The following CORIN variants were observed in gnomAD, a reference collection of about 807,000 sequenced individuals.
CORIN encodes the protein corin, serine peptidase.
Under a neutral mutation model 125.3 loss-of-function variants are expected in CORIN, and 117 were observed. The observed-to-expected ratio is 0.93, with a 90% confidence interval of 0.80 to 1.09. The LOEUF is 1.09. Among genes scored for constraint, CORIN ranks in the 50% least tolerant of loss-of-function variants. CORIN has a pLI of 0.00. For synonymous variants in CORIN, 450 were observed against 466.4 expected, an observed-to-expected ratio of 0.96 and a Z score of 0.45; for missense variants, 1,253 against 1,306.7, an observed-to-expected ratio of 0.96 and a Z score of 0.63.
chr4:47,691,473 C>G (rs1038005019), intron 6 of CORIN, among the ~76,000 whole-genome samples: 1 of 152,178 alleles, frequency 6.6e-6, no homozygotes, highest in East Asian at 1.9e-4. Context: ...AGTCGTAAAA[C>G]ACAAATTTCT....
At chr4:47,825,275 T>C (rs755101615) in intron 1 of CORIN, among the ~76,000 whole-genome samples, 3 of 152,222 alleles carry the variant, frequency 2.0e-5, no homozygotes, top group Non-Finnish European at 4.4e-5. Flanking sequence ...CTGGCAATTA[T>C]GTGGCCCCCT....
chr4:47,697,497 T>C (rs1416075354), intron 5 of CORIN, among the ~76,000 whole-genome samples: 1 of 152,144 alleles, frequency 6.6e-6, no homozygotes, highest in East Asian at 1.9e-4. Flanking sequence ...GCAGATCGCC[T>C]GAGGTCAGGG....
chr4:47,619,979 C>T (rs1436819470), intron 19 of CORIN, among the ~76,000 whole-genome samples: 1 of 152,162 alleles, frequency 6.6e-6, no homozygotes, highest in East Asian at 1.9e-4. Context: ...AATTCTGGAT[C>T]TTACACATTG....
intron 19 of CORIN, among the ~76,000 whole-genome samples, chr4:47,615,096 A>T (rs992295165): frequency 6.6e-6 from 1 of 152,226 alleles, no homozygotes; most frequent in African/African-American, 2.4e-5. Context: ...CTGCAGAAAC[A>T]GCAAATACAA....
In CORIN at chr4:47,816,614, C is replaced by A. The variant is rs548365321; in HGVS notation, c.64-9567G>T. ...TACAACAACAAATCAACCATAGGTG[C>A]AGTGTGAACTTTTGCACTGAAACAA... On this transcript the variant is annotated intron_variant, in intron 1 of 21. Coordinates refer to ENST00000273857, the MANE Select transcript of CORIN (RefSeq NM_006587.4). 2.0e-5 allele frequency among the ~76,000 whole-genome samples: 3 copies of A among 152,248 alleles called. No homozygotes were observed. The South Asian group carries it at 6.2e-4, about 32-fold the overall frequency.
At chr4:47,831,456 A>G (rs1732992404) in intron 1 of CORIN, 1 of 152,278 alleles carries the variant, frequency 6.6e-6, no homozygotes, top group South Asian at 2.1e-4. Flanking sequence ...CTGAAGACAG[A>G]ACTGGGGACA....
intron 3 of CORIN, among the ~76,000 whole-genome samples, chr4:47,774,859 G>C (rs1011146307): frequency 6.6e-6 from 1 of 152,118 alleles, no homozygotes; most frequent in African/African-American, 2.4e-5. Context: ...AGTCACAAAA[G>C]GGCAAATACT....
At chr4:47,642,728 G>T (rs996056995) in intron 15 of CORIN, 2 of 790,360 alleles carry the variant, frequency 2.5e-6, no homozygotes, top group African/African-American at 1.8e-5. Flanking sequence ...TGTGTAAGGA[G>T]CTAGACAGTT....
intron 6 of CORIN, among the ~76,000 whole-genome samples, chr4:47,685,115 T>C (rs1725453325): frequency 6.6e-6 from 1 of 152,206 alleles, no homozygotes; most frequent in South Asian, 2.1e-4. Flanking sequence ...CAGTTTCTTA[T>C]GAAGGTAACT....
chr4:47,768,549 T>C (rs1318025231), intron 3 of CORIN, among the ~76,000 whole-genome samples: 1 of 152,166 alleles, frequency 6.6e-6, no homozygotes, highest in Non-Finnish European at 1.5e-5. Flanking sequence ...TTAATAACTT[T>C]GATGAATATA....
chr4:47,789,299 T>C (rs1282449212), intron 2 of CORIN, among the ~76,000 whole-genome samples: 1 of 152,056 alleles, frequency 6.6e-6, no homozygotes, highest in East Asian at 1.9e-4. Flanking sequence ...AGTGAAATTC[T>C]GTCTCAAAAA....
intron 5 of CORIN, among the ~76,000 whole-genome samples, chr4:47,742,294 C>T (rs1364799370): frequency 6.6e-6 from 1 of 151,764 alleles, no homozygotes; most frequent in Non-Finnish European, 1.5e-5. Flanking sequence ...AACCTTCTTC[C>T]TGACATAGAA....
chr4:47,625,054 C>G (rs187366642), intron 17 of CORIN, among the ~76,000 whole-genome samples: 22 of 152,228 alleles, frequency 1.4e-4, no homozygotes, highest in Admixed American at 2.6e-4. Context: ...CTAAAATCCT[C>G]TCTTCCTTAC....
Position 47,621,609 on chromosome 4 carries a change from G to A in CORIN, c.2540+1962C>T, listed in dbSNP as rs191144894. On this transcript the variant is annotated intron_variant, in intron 19 of 21. Coordinates refer to ENST00000273857, the MANE Select transcript of CORIN (RefSeq NM_006587.4). ...TGGAAGAGATTCTGCAGTGATGTTC[G>A]TCAGTTTGGGGTAGGTTTTCCCTTA... is the stretch of plus-strand genomic sequence containing the variant. Among the ~76,000 whole-genome samples, 27 of 152,306 alleles carry A rather than the reference G, an allele frequency of 1.8e-4. No homozygotes were observed. The East Asian group carries it at 2.3e-3, about 13-fold the overall frequency.
chr4:47,700,552 G>A (rs1424335214), intron 5 of CORIN, among the ~76,000 whole-genome samples: 3 of 152,162 alleles, frequency 2.0e-5, no homozygotes, highest in Non-Finnish European at 4.4e-5. Flanking sequence ...ATGGAACCTG[G>A]AAGAACGAAG....
intron 1 of CORIN, among the ~76,000 whole-genome samples, chr4:47,834,872 A>C (rs1415348540): frequency 6.6e-6 from 1 of 152,220 alleles, no homozygotes; most frequent in Non-Finnish European, 1.5e-5. Flanking sequence ...CACAGTCTGC[A>C]GTGTCCTTAC....
At chr4:47,696,473 A>G (rs1039332845) in intron 5 of CORIN, among the ~76,000 whole-genome samples, 1 of 152,170 alleles carries the variant, frequency 6.6e-6, no homozygotes, top group South Asian at 2.1e-4. Context: ...ACAAAAAAAA[A>G]TCCCCAAATA....
intron 1 of CORIN, among the ~76,000 whole-genome samples, chr4:47,811,165 C>T (rs1172615181): frequency 6.6e-6 from 1 of 152,124 alleles, no homozygotes; most frequent in East Asian, 1.9e-4. Flanking sequence ...ACCTGTTCTC[C>T]ACACTATAGC....
intron 4 of CORIN, among the ~76,000 whole-genome samples, chr4:47,756,857 T>C (rs978232637): frequency 6.6e-6 from 1 of 152,218 alleles, no homozygotes; most frequent in Non-Finnish European, 1.5e-5. Flanking sequence ...TCAATTAGCC[T>C]GTTTTGCAGT....
Sources: gnomAD v4.1 joint callset for allele counts (sites outside exome capture counted in the v4.1 genomes callset) on GRCh38, gnomAD v4.1.1 for gene constraint, MANE v1.5 for transcripts, NCBI Gene and HGNC (gene_info 2026-07-23, HGNC 2026-07-21) for gene names.